Variants in ARHGAP1 observed in about 807,000 individuals in gnomAD.
ARHGAP1 encodes Rho GTPase activating protein 1.
Under a neutral mutation model 52.2 loss-of-function variants are expected in ARHGAP1, and 23 were observed. The observed-to-expected ratio is 0.44, with a 90% CI of 0.32 to 0.62. The LOEUF (loss-of-function observed/expected upper bound fraction) is 0.62. Among genes scored for constraint, ARHGAP1 ranks in the 20% least tolerant of loss-of-function variants. The pLI is 0.05. For synonymous variants in ARHGAP1, 210 were observed against 228.4 expected, an observed-to-expected ratio of 0.92 and a Z score of 0.73; for missense variants, 480 against 560.9, an observed-to-expected ratio of 0.86 and a Z score of 1.46.
Position 46,680,452 on chromosome 11 carries a change from G to C in ARHGAP1, c.820+35C>G, listed in dbSNP as rs1311635772. On this transcript the variant is annotated intron_variant, in intron 9 of 12. Transcript: ENST00000311956. This position sits in a 1 kb window ranked among gnomAD's most constrained non-coding sequence, Gnocchi z 5.9. Reference sequence around the variant, plus strand: ...CCCAGCTTCCTGAAGGGAGCCGGGAGACCTGGCTGGTGAGGAGGCAGGCCC... The same window carrying C: ...CCCAGCTTCCTGAAGGGAGCCGGGACACCTGGCTGGTGAGGAGGCAGGCCC... 6.2e-7 allele frequency: 1 copy of C among 1,609,870 alleles called. No individual in the cohort carries two copies. Among genetic ancestry groups the C allele is most frequent in the Non-Finnish European group, 8.5e-7 (1 of 1,176,528 alleles).
Position 46,693,804 on chromosome 11 carries a change from A to G in ARHGAP1, c.229+1856T>C, listed in dbSNP as rs1437895182. ...GCTCACACATTTGTTAAGCTGTTCAACTGTCAGGAATTTTGCAAGCCAGTT... is the reference window on the plus strand; with the variant it reads ...GCTCACACATTTGTTAAGCTGTTCAGCTGTCAGGAATTTTGCAAGCCAGTT... On this transcript the variant is annotated intron_variant, in intron 3 of 12. Coordinates refer to ENST00000311956, the MANE Select transcript of ARHGAP1 (RefSeq NM_004308.5). 2.0e-5 allele frequency among the ~76,000 whole-genome samples: 3 copies of G among 152,282 alleles called. 1 individual carries two copies. The highest frequency in any genetic ancestry group is 2.0e-4 in the Admixed American group (3 of 15,290).
chr11:46,679,087 G>C lies in ARHGAP1; in HGVS notation c.1270C>G (p.Leu424Val). 6.2e-7 allele frequency: 1 copy of C among 1,614,242 alleles called. No homozygotes were observed. The highest frequency in any genetic ancestry group is 8.5e-7 in the Non-Finnish European group (1 of 1,180,030). ...NPINTFTKFL[L>V]DHQGELFPSP... ...GGGAACAGCTCCCCTTGGTGATCCA[G>C]AAGGAACTTGGTGAAGGTGTTGATG... The change falls in exon 13 of 13, where the codon CTG becomes GTG. Residue 424 changes from leucine (L) to valine (V), a missense_variant. Transcript: ENST00000311956. The surrounding 1 kb of genome is among the most constrained non-coding windows in gnomAD (Gnocchi z 4.4).
At chr11:46,692,016 G>A (rs1328371922) in intron 3 of ARHGAP1, among the ~76,000 whole-genome samples, 1 of 152,230 alleles carries the variant, frequency 6.6e-6, no homozygotes, top group African/African-American at 2.4e-5. Context: ...GTCTGCAGAG[G>A]AGGTGCAGCT....
Position 46,681,960 on chromosome 11 carries a change from A to G in ARHGAP1, c.449+91T>C. The G allele has an allele frequency of 1.3e-6, 2 of 1,570,640 alleles. No individual in the cohort carries two copies. The highest frequency in any genetic ancestry group is 1.7e-6 in the Non-Finnish European group (2 of 1,153,902). ...CAGCCCCCGCCACCCCCTGCCTTGGAATAAGCTCCTGCCCAAGTGGAGGGC... is the reference window on the plus strand; with the variant it reads ...CAGCCCCCGCCACCCCCTGCCTTGGGATAAGCTCCTGCCCAAGTGGAGGGC... On this transcript the variant is annotated intron_variant, in intron 5 of 12. Coordinates refer to ENST00000311956, the MANE Select transcript of ARHGAP1 (RefSeq NM_004308.5). The surrounding 1 kb of genome is among the most constrained non-coding windows in gnomAD (Gnocchi z 5.7).
At chr11:46,693,155 AC>A (rs2064627380) in intron 3 of ARHGAP1, among the ~76,000 whole-genome samples, 1 of 150,596 alleles carries the variant, frequency 6.6e-6, no homozygotes, top group African/African-American at 2.4e-5. Context: ...CCTGGCCTTA[AC>A]CCCAGCTAAT....
At chr11:46,694,015 C>T (rs1337798727) in intron 3 of ARHGAP1, among the ~76,000 whole-genome samples, 1 of 152,170 alleles carries the variant, frequency 6.6e-6, no homozygotes, top group Non-Finnish European at 1.5e-5. Context: ...GGCTATAACC[C>T]ACCCTCCCTT....
rs2064656852 is a variant in ARHGAP1 at position 46,696,614 on chromosome 11, A to G, written c.-49-458T>C. On this transcript the variant is annotated intron_variant, in intron 1 of 12. Transcript: ENST00000311956. The surrounding 1 kb of genome is among the most constrained non-coding windows in gnomAD (Gnocchi z 4.8). ...CTGGGCACCGTGGCTCACGCCTGTA[A>G]TCCCAGCACTTTGGGAGGCCGAGGC... is the stretch of plus-strand genomic sequence containing the variant. Among the ~76,000 whole-genome samples the G allele has an allele frequency of 6.6e-6, 1 of 152,250 alleles. No individual in the cohort carries two copies. The highest frequency in any genetic ancestry group is 2.4e-5 in the African/African-American group (1 of 41,474).
rs538227551 is a variant in ARHGAP1, at chr11:46,696,496, C to T, written c.-49-340G>A. Among the ~76,000 whole-genome samples, 3 of 152,190 alleles carry T rather than the reference C, an allele frequency of 2.0e-5. No individual in the cohort carries two copies. Among genetic ancestry groups the T allele is most frequent in the African/African-American group, 4.8e-5 (2 of 41,430 alleles). On this transcript the variant is annotated intron_variant, in intron 1 of 12. Coordinates refer to ENST00000311956, the MANE Select transcript of ARHGAP1 (RefSeq NM_004308.5). This position sits in a 1 kb window ranked among gnomAD's most constrained non-coding sequence, Gnocchi z 4.8. ...AGTCCCAGCTGTAGAGGGCAGAGGT[C>T]CACGCCCCTCGCCTCAGGAGACCTG...
chr11:46,681,357 A>C lies in ARHGAP1; in HGVS notation c.472T>G (p.Leu158Val), dbSNP rs779781985. The stretch of plus-strand genomic sequence containing the variant: ...AACATGGTTGGATGCACGATGTACA[A>C]GGCCTTGATGTTTTTCTTGTACCTG... Reference protein sequence around the residue: ...DRKYKKNIKALYIVHPTMFIK... With the variant: ...DRKYKKNIKAVYIVHPTMFIK... Residue 158 changes from leucine (L) to valine (V), a missense_variant, in exon 6 of 13, where the codon TTG becomes GTG. Coordinates refer to ENST00000311956, the MANE Select transcript of ARHGAP1 (RefSeq NM_004308.5). This position sits in a 1 kb window ranked among gnomAD's most constrained non-coding sequence, Gnocchi z 5.7. 1 of 1,613,266 alleles carries C rather than the reference A, an allele frequency of 6.2e-7. No individual in the cohort carries two copies. The highest frequency in any genetic ancestry group is 1.1e-5 in the South Asian group (1 of 91,060).
intron 3 of ARHGAP1, among the ~76,000 whole-genome samples, chr11:46,688,659 T>G (rs1397049601): frequency 6.6e-6 from 1 of 151,930 alleles, no homozygotes; most frequent in Non-Finnish European, 1.5e-5. Context: ...ATTTTAAAAT[T>G]TTTTGTAGAG....
intron 3 of ARHGAP1, among the ~76,000 whole-genome samples, chr11:46,689,644 G>A (rs977864916): frequency 5.3e-5 from 8 of 151,990 alleles, no homozygotes; most frequent in Admixed American, 3.3e-4. Context: ...AGGTTCAAGC[G>A]ATTCTCCTGC....
At chr11:46,700,475 A>G (rs2064693484) in intron 1 of ARHGAP1, 76 bp downstream of exon 1, 1 of 160,656 alleles carries the variant, frequency 6.2e-6, no homozygotes, top group African/African-American at 2.4e-5. Flanking sequence ...TCCGGACCCC[A>G]TCCCTTCGGA....
intron 4 of ARHGAP1, among the ~76,000 whole-genome samples, chr11:46,685,600 C>T (rs183899640): frequency 1.1e-4 from 17 of 151,750 alleles, no homozygotes; most frequent in African/African-American, 3.1e-4. Flanking sequence ...GCTGAGATTA[C>T]AGGCGTGAGC....
chr11:46,699,461 T>C (rs2064681982), intron 1 of ARHGAP1, among the ~76,000 whole-genome samples: 1 of 151,982 alleles, frequency 6.6e-6, no homozygotes, highest in South Asian at 2.1e-4. Flanking sequence ...TCCCAGCACT[T>C]TGGGAGGCCG....
intron 3 of ARHGAP1, among the ~76,000 whole-genome samples, chr11:46,689,273 A>C (rs2064593874): frequency 6.6e-6 from 1 of 152,166 alleles, no homozygotes; most frequent in Non-Finnish European, 1.5e-5. Flanking sequence ...AAGGCCACCA[A>C]GTCTATGATT....
intron 3 of ARHGAP1, chr11:46,695,375 A>C: frequency 2.2e-6 from 1 of 462,150 alleles, no homozygotes; most frequent in Non-Finnish European, 4.1e-6. Flanking sequence ...GGGGAAGGGA[A>C]GGCTACTTAT....
intron 3 of ARHGAP1, among the ~76,000 whole-genome samples, chr11:46,690,901 A>T (rs2064609150): frequency 6.6e-6 from 1 of 150,710 alleles, no homozygotes; most frequent in African/African-American, 2.4e-5. Flanking sequence ...TTTTTTTAAG[A>T]GACAGGGTCT....
chr11:46,694,990 A>C, intron 3 of ARHGAP1: 1 of 165,804 alleles, frequency 6.0e-6, no homozygotes, highest in Non-Finnish European at 1.3e-5. Flanking sequence ...GTTAGGGAAA[A>C]GATAAAGGAT....
intron 3 of ARHGAP1, among the ~76,000 whole-genome samples, chr11:46,691,465 T>C (rs1431128471): frequency 6.6e-6 from 1 of 150,868 alleles, no homozygotes; most frequent in African/African-American, 2.4e-5. Context: ...TTTTTTTTTT[T>C]TTTTTGAGAT....
Sources: allele counts gnomAD v4.1 joint callset (sites outside exome capture counted in the v4.1 genomes callset), GRCh38; gene constraint gnomAD v4.1.1; non-coding constraint Gnocchi (gnomAD v3.1); transcripts MANE v1.5; gene names NCBI Gene and HGNC (gene_info 2026-07-23, HGNC 2026-07-21).